The following SNAP91 variants were observed in gnomAD, a reference collection of about 807,000 sequenced individuals.
SNAP91 encodes the protein synaptosome associated protein 91.
Under a neutral mutation model 100.3 loss-of-function variants are expected in SNAP91, and 27 were observed. The observed-to-expected ratio is 0.27, with a 90% CI of 0.20 to 0.37. The LOEUF is 0.37. SNAP91 is among the 10% of genes least tolerant of loss of function. The pLI, the probability that SNAP91 is intolerant of heterozygous loss-of-function variation, is 1.00. For missense variants in SNAP91, 986 were observed against 1,123.7 expected (o/e 0.88, Z 1.75); for synonymous variants, 404 against 398.6 (o/e 1.01, Z -0.16).
chr6:83,698,772 A>C (rs186594796), intron 2 of SNAP91, among the ~76,000 whole-genome samples: 1 of 152,312 alleles, frequency 6.6e-6, no homozygotes, highest in African/African-American at 2.4e-5. Flanking sequence ...TTCAGAGTTC[A>C]TGAGTTTGCA....
At chr6:83,564,306 T>C (rs548267534) in intron 26 of SNAP91, among the ~76,000 whole-genome samples, 2 of 151,548 alleles carry the variant, frequency 1.3e-5, no homozygotes, top group Admixed American at 1.3e-4. Context: ...CAAGAAAGAA[T>C]AGGCTCTTCC....
intron 8 of SNAP91, among the ~76,000 whole-genome samples, chr6:83,628,886 T>C (rs2097090428): frequency 6.6e-6 from 1 of 152,186 alleles, no homozygotes; most frequent in East Asian, 1.9e-4. Flanking sequence ...CAGAAATTTA[T>C]CTTTGTTTTT....
At chr6:83,607,837 A>C in intron 12 of SNAP91, 29 bp from the exon 13 acceptor site, 1 of 1,382,224 alleles carries the variant, frequency 7.2e-7, no homozygotes, top group Non-Finnish European at 1.0e-6. Context: ...AACACACTTG[A>C]GTCAAATATG....
chr6:83,686,288 T>C (rs2099059479), intron 2 of SNAP91: 1 of 624,588 alleles, frequency 1.6e-6, no homozygotes, highest in Non-Finnish European at 2.0e-6. Context: ...TTAAGCACTA[T>C]TTTGGTGACA....
intron 2 of SNAP91, among the ~76,000 whole-genome samples, chr6:83,706,441 T>A (rs1036367325): frequency 1.1e-4 from 16 of 152,220 alleles, no homozygotes; most frequent in Non-Finnish European, 2.1e-4. Flanking sequence ...ATATATAACA[T>A]ATAATGCTGT....
At chr6:83,650,299 T>A (rs2098140704) in intron 7 of SNAP91, among the ~76,000 whole-genome samples, 1 of 152,218 alleles carries the variant, frequency 6.6e-6, no homozygotes, top group Non-Finnish European at 1.5e-5. Flanking sequence ...TTACCTCAGT[T>A]GTTTTATGAA....
chr6:83,707,934 T>TGGC lies in SNAP91; in HGVS notation c.-8_-7insGCC, dbSNP rs1316344690. On this transcript the variant is annotated 5_prime_UTR_variant, in exon 2 of 30. Coordinates refer to ENST00000369694, the MANE Select transcript of SNAP91 (RefSeq NM_001242792.2). ...TGAGCGTTTGGCCCGACATCTTCTG[T>TGGC]GGTCGCGTCTACCGCCTCCTCTTCT... 2 of 1,575,862 alleles carry TGGC rather than the reference T, an allele frequency of 1.3e-6. No homozygotes were observed. The highest frequency in any genetic ancestry group is 1.7e-6 in the Non-Finnish European group (2 of 1,167,030).
At chr6:83,623,534 T>C (rs970726767) in intron 8 of SNAP91, among the ~76,000 whole-genome samples, 192 bp from the exon 9 acceptor site, 1 of 152,126 alleles carries the variant, frequency 6.6e-6, no homozygotes, top group African/African-American at 2.4e-5. Context: ...AGTAATTTCA[T>C]TAATATAGTT....
At chr6:83,628,185 C>G (rs1007791117) in intron 8 of SNAP91, among the ~76,000 whole-genome samples, 2 of 145,760 alleles carry the variant, frequency 1.4e-5, no homozygotes, top group Admixed American at 7.3e-5. Flanking sequence ...ATGCCACTAA[C>G]TCATTCCTTT....
At chr6:83,703,335 C>A (rs1180104331) in intron 2 of SNAP91, among the ~76,000 whole-genome samples, 1 of 152,020 alleles carries the variant, frequency 6.6e-6, no homozygotes, top group Non-Finnish European at 1.5e-5. Context: ...GATCTTTCAG[C>A]ACTTACTGAA....
At chr6:83,628,799 C>G (rs943286662) in intron 8 of SNAP91, among the ~76,000 whole-genome samples, 8 of 151,856 alleles carry the variant, frequency 5.3e-5, no homozygotes, top group African/African-American at 1.9e-4. Flanking sequence ...AGATTCTTTC[C>G]CATTCTGTGG....
Position 83,560,940 on chromosome 6 carries a change from G to C in SNAP91, c.2450C>G (p.Ala817Gly). Reference sequence around the variant, plus strand: ...AGGAACTGAACTGGTTGGAGGTACAGCTCCTTGCTACACAGATAGACAGAC... The same window carrying C: ...AGGAACTGAACTGGTTGGAGGTACACCTCCTTGCTACACAGATAGACAGAC... ...GVPPSAPLQG[A>G]VPPTSSVPPV... The change falls in exon 27 of 30, where the codon GCT becomes GGT. Residue 817 changes from alanine to glycine, a missense_variant. Around this residue, in one of 4 missense-constraint regions of SNAP91, gnomAD observed 575 missense variants for 579.9 expected, o/e 0.99. Coordinates refer to ENST00000369694, the MANE Select transcript of SNAP91 (RefSeq NM_001242792.2). 6.2e-7 allele frequency: 1 copy of C among 1,606,290 alleles called. No individual in the cohort carries two copies. The highest frequency in any genetic ancestry group is 1.3e-5 in the African/African-American group (1 of 74,506).
chr6:83,598,416 T>C (rs999296378), intron 16 of SNAP91, among the ~76,000 whole-genome samples: 2 of 152,184 alleles, frequency 1.3e-5, no homozygotes, highest in African/African-American at 2.4e-5. Flanking sequence ...AGAATATTTC[T>C]GTTAAAAATC....
intron 26 of SNAP91, among the ~76,000 whole-genome samples, chr6:83,572,739 C>T (rs1420506031): frequency 6.6e-6 from 1 of 152,068 alleles, no homozygotes; most frequent in Non-Finnish European, 1.5e-5. Flanking sequence ...GTATAAATTC[C>T]TTAGAACAAC....
intron 2 of SNAP91, among the ~76,000 whole-genome samples, chr6:83,695,320 GAA>G (rs1562712556): frequency 7.8e-6 from 1 of 127,558 alleles, no homozygotes; most frequent in African/African-American, 3.0e-5. Flanking sequence ...AAAAGAAAAA[GAA>G]AAGAAAAGAA....
At chr6:83,660,536 G>A (rs966093124) in intron 5 of SNAP91, among the ~76,000 whole-genome samples, 36 of 152,074 alleles carry the variant, frequency 2.4e-4, no homozygotes, top group Non-Finnish European at 3.4e-4. Flanking sequence ...CAAATGTGTG[G>A]CTGAATGCCT....
intron 2 of SNAP91, among the ~76,000 whole-genome samples, chr6:83,680,175 A>C (rs2098968159): frequency 6.6e-6 from 1 of 152,138 alleles, no homozygotes; most frequent in Admixed American, 6.6e-5. Context: ...AGAGTTTATC[A>C]TATTACTTCC....
chr6:83,686,391 T>C (rs1333433254), intron 2 of SNAP91, among the ~76,000 whole-genome samples: 1 of 152,214 alleles, frequency 6.6e-6, no homozygotes, highest in Non-Finnish European at 1.5e-5. Flanking sequence ...TACAGAGGTA[T>C]TTAACAACAA....
chr6:83,615,894 T>G (rs977180903), intron 10 of SNAP91, among the ~76,000 whole-genome samples: 2 of 152,166 alleles, frequency 1.3e-5, no homozygotes, highest in Non-Finnish European at 2.9e-5. Context: ...AGGTAAAATC[T>G]GTGATCAGCC....
Sources: allele counts gnomAD v4.1 joint callset (sites outside exome capture counted in the v4.1 genomes callset), GRCh38; gene constraint gnomAD v4.1.1; regional missense constraint gnomAD v4.1.1; transcripts MANE v1.5; gene names NCBI Gene and HGNC (gene_info 2026-07-23, HGNC 2026-07-21).